Variants in SOX5 observed in about 807,000 individuals in gnomAD.
SOX5 encodes the protein transcription factor SOX-5.
Under a neutral mutation model 92.0 loss-of-function variants are expected in SOX5, and 9 were observed. The ratio of observed to expected loss-of-function variants is 0.10; its 90% CI spans 0.06 to 0.17. The LOEUF is 0.17. Among genes scored for constraint, SOX5 ranks in the 10% least tolerant of loss-of-function variants. The pLI is 1.00. For synonymous variants in SOX5, 344 were observed against 336.3 expected, an observed-to-expected ratio of 1.02 and a Z score of -0.25; for missense variants, 642 against 944.5, an observed-to-expected ratio of 0.68 and a Z score of 4.20.
intron 6 of SOX5, among the ~76,000 whole-genome samples, chr12:23,704,731 C>CACACACACACACAT (rs368949647): frequency 1.5e-5 from 2 of 130,916 alleles, no homozygotes; most frequent in Non-Finnish European, 3.2e-5. Flanking sequence ...CACACACACA[C>CACACACACACACAT]ATACACACAT....
At chr12:24,241,422 C>T (rs1449748069) in intron 3 of SOX5, among the ~76,000 whole-genome samples, 2 of 152,110 alleles carry the variant, frequency 1.3e-5, no homozygotes, top group Admixed American at 6.5e-5. Context: ...AAATTTGAGA[C>T]AATTTAAAAC....
chr12:23,964,763 ATG>A (rs921451045), intron 4 of SOX5, among the ~76,000 whole-genome samples: 3 of 152,224 alleles, frequency 2.0e-5, no homozygotes, highest in Admixed American at 6.5e-5. Context: ...TTAAATATAA[ATG>A]TGTGTTTGTT....
At chr12:24,096,018 G>A (rs1371348128) in intron 4 of SOX5, among the ~76,000 whole-genome samples, 1 of 151,974 alleles carries the variant, frequency 6.6e-6, no homozygotes, top group Non-Finnish European at 1.5e-5. Context: ...TTACCCTAAC[G>A]GTCATTCTTA....
At chr12:23,683,468 C>A (rs1239861243) in intron 6 of SOX5, among the ~76,000 whole-genome samples, 5 of 151,826 alleles carry the variant, frequency 3.3e-5, no homozygotes, top group Non-Finnish European at 7.4e-5. Context: ...GATCATTCAT[C>A]TTTTAAAACT....
chr12:24,538,086 C>T lies in SOX5; in HGVS notation c.-251+24243G>A, dbSNP rs187035933. ...AGCAATATTCTCCAAAGCTATGAAG[C>T]ATACACTGCCCTAAATTACATTGCA... On this transcript the variant is annotated intron_variant, in intron 1 of 4. Coordinates refer to the SOX5 transcript ENST00000446891. Among the ~76,000 whole-genome samples, 222 of 152,284 alleles carry T rather than the reference C, an allele frequency of 1.5e-3. 2 individuals carry two copies. The highest frequency in any genetic ancestry group is 3.5e-4 in the Non-Finnish European group (24 of 68,022).
At chr12:23,574,002 A>G (rs1242776616) in intron 10 of SOX5, among the ~76,000 whole-genome samples, 1 of 151,610 alleles carries the variant, frequency 6.6e-6, no homozygotes, top group African/African-American at 2.4e-5. Flanking sequence ...TTAGTTATCT[A>G]TATTATAATA....
chr12:24,233,230 G>A (rs1032125071), intron 3 of SOX5, among the ~76,000 whole-genome samples: 1 of 152,016 alleles, frequency 6.6e-6, no homozygotes, highest in African/African-American at 2.4e-5. Flanking sequence ...AAGAAAAATA[G>A]GATAAGGGTT....
At chr12:24,228,344 T>C (rs1034690333) in intron 3 of SOX5, among the ~76,000 whole-genome samples, 2 of 152,224 alleles carry the variant, frequency 1.3e-5, no homozygotes, top group African/African-American at 2.4e-5. Context: ...TTTCTCTCTA[T>C]CAAAATACTA....
rs895401825 is a variant in SOX5, at chr12:23,906,471, G to A, written c.39-10447C>T. ...ACTTTTTTCCCCCTTCTCAAGGGAG[G>A]CATTGTTCTTGCCTTTCCATAACCA... On this transcript the variant is annotated intron_variant, in intron 1 of 14. Coordinates refer to ENST00000451604, the MANE Select transcript of SOX5 (RefSeq NM_006940.6). Among the ~76,000 whole-genome samples the A allele has an allele frequency of 1.4e-4, 22 of 152,182 alleles. 1 individual carries two copies. Among genetic ancestry groups the A allele is most frequent in the African/African-American group, 5.3e-4 (22 of 41,446 alleles).
intron 3 of SOX5, among the ~76,000 whole-genome samples, chr12:23,783,313 G>C (rs1453275488): frequency 6.6e-6 from 1 of 152,148 alleles, no homozygotes; most frequent in Non-Finnish European, 1.5e-5. Context: ...AGTATGTCTA[G>C]TTCGTATAAC....
intron 3 of SOX5, among the ~76,000 whole-genome samples, chr12:23,842,461 T>C (rs1424117980): frequency 1.3e-5 from 2 of 152,304 alleles, no homozygotes; most frequent in African/African-American, 2.4e-5. Flanking sequence ...TGTATTTTCA[T>C]TGCTCTGTCT....
intron 6 of SOX5, among the ~76,000 whole-genome samples, chr12:23,666,971 C>T (rs2083912048): frequency 6.6e-6 from 1 of 152,008 alleles, no homozygotes; most frequent in Non-Finnish European, 1.5e-5. Context: ...TTTAAAAGCC[C>T]ACCACCTTCA....
At chr12:23,660,492 G>T (rs2082892320) in intron 7 of SOX5, among the ~76,000 whole-genome samples, 1 of 152,098 alleles carries the variant, frequency 6.6e-6, no homozygotes, top group African/African-American at 2.4e-5. Context: ...ATTTGCAGTT[G>T]CCTATTTGAG....
At chr12:24,494,928 G>A (rs1331476093) in intron 1 of SOX5, among the ~76,000 whole-genome samples, 1 of 152,142 alleles carries the variant, frequency 6.6e-6, no homozygotes, top group African/African-American at 2.4e-5. Flanking sequence ...ATTAGGGTTG[G>A]ATCTGATGAC....
intron 1 of SOX5, among the ~76,000 whole-genome samples, chr12:24,373,567 TA>T (rs1378487207): frequency 2.6e-5 from 4 of 152,334 alleles, no homozygotes; most frequent in Non-Finnish European, 4.4e-5. Context: ...AAATTGATAT[TA>T]TTTTTGGTTG....
intron 3 of SOX5, among the ~76,000 whole-genome samples, chr12:24,229,842 C>T (rs1339572944): frequency 3.3e-5 from 5 of 152,160 alleles, no homozygotes; most frequent in Non-Finnish European, 7.3e-5. Context: ...AATATTGCCA[C>T]ATCTGATAAT....
intron 1 of SOX5, among the ~76,000 whole-genome samples, chr12:23,904,798 T>C (rs750159086): frequency 7.2e-5 from 11 of 152,198 alleles, no homozygotes; most frequent in Non-Finnish European, 1.3e-4. Flanking sequence ...TCGTTACACC[T>C]TTCCTTCTTT....
At chr12:23,935,962 C>T (rs1942453915) in intron 1 of SOX5, among the ~76,000 whole-genome samples, 3 of 151,034 alleles carry the variant, frequency 2.0e-5, no homozygotes, top group Admixed American at 2.0e-4. Flanking sequence ...AGCTTTTCCA[C>T]TTATTACCTA....
At chr12:24,527,889 T>C (rs1691312983) in intron 1 of SOX5, among the ~76,000 whole-genome samples, 1 of 152,248 alleles carries the variant, frequency 6.6e-6, no homozygotes, top group Admixed American at 6.5e-5. Context: ...TTGTAATAAA[T>C]GTAGGTGTCA....
Sources: allele counts gnomAD v4.1 joint callset (sites outside exome capture counted in the v4.1 genomes callset), GRCh38; gene constraint gnomAD v4.1.1; transcripts MANE v1.5; gene names NCBI Gene and HGNC (gene_info 2026-07-23, HGNC 2026-07-21).